Variants in MIB1 observed in about 807,000 individuals in gnomAD.
MIB1 encodes E3 ubiquitin-protein ligase MIB1.
MIB1 carries 278 observed loss-of-function variants against 124.5 expected under a neutral mutation model. That is an observed-to-expected ratio of 2.23 (90% CI 2.02 to 2.47). The LOEUF (loss-of-function observed/expected upper bound fraction) is 2.47. Ranked by LOEUF, MIB1 falls within the 30% of genes most tolerant of loss-of-function variation. MIB1 has a pLI of 0.00. For missense variants in MIB1, 957 were observed against 1,254.4 expected (o/e 0.76, Z 3.58); for synonymous variants, 446 against 429.4 (o/e 1.04, Z -0.48).
Position 21,710,753 on chromosome 18 carries a change from T to C in MIB1, n.167+5630T>C, listed in dbSNP as rs141254440. Among the ~76,000 whole-genome samples, 996 of 151,634 alleles carry C rather than the reference T, an allele frequency of 6.6e-3. 8 individuals are homozygous for C. The highest frequency in any genetic ancestry group is 0.021 in the African/African-American group (863 of 41,346). ...TGACAGAGTGAGACCTTGTCTCAAA[T>C]ATATAAGGCCTTTCTATTCAGGCCA... On this transcript the variant is annotated intron_variant and non_coding_transcript_variant, in intron 1 of 20. Transcript: ENST00000578646.
At chr18:21,813,427 T>G (rs1440766614) in intron 10 of MIB1, among the ~76,000 whole-genome samples, 1 of 152,076 alleles carries the variant, frequency 6.6e-6, no homozygotes, top group East Asian at 1.9e-4. Context: ...TTGAGAGAGG[T>G]GCCAAATCCT....
At chr18:21,714,031 A>G (rs1328374365) in intron 1 of MIB1, among the ~76,000 whole-genome samples, 4 of 152,220 alleles carry the variant, frequency 2.6e-5, no homozygotes, top group African/African-American at 4.8e-5. Context: ...GGCCTTGCCC[A>G]GTGTAACAAG....
chr18:21,741,815 A>C lies in MIB1; in HGVS notation c.229+3A>C, dbSNP rs368228524. On this transcript the variant is annotated splice_donor_region_variant and intron_variant, in intron 1 of 20. Coordinates refer to ENST00000261537, the MANE Select transcript of MIB1 (RefSeq NM_020774.4). The surrounding 1 kb of genome is among the most constrained non-coding windows in gnomAD (Gnocchi z 5.4). ...CATCCTGGACAGCGCGCCCACCGGTAAGCCGCGGCCACCTGGCCAGGGCTT... is the reference window on the plus strand; with the variant it reads ...CATCCTGGACAGCGCGCCCACCGGTCAGCCGCGGCCACCTGGCCAGGGCTT... The C allele has an allele frequency of 3.8e-6, 6 of 1,591,848 alleles. No homozygotes were observed. The highest frequency in any genetic ancestry group is 1.3e-5 in the African/African-American group (1 of 74,354).
intron 12 of MIB1, among the ~76,000 whole-genome samples, chr18:21,822,863 G>T (rs2041891273): frequency 6.6e-6 from 1 of 152,240 alleles, no homozygotes. Context: ...GACTTAGGAG[G>T]CTGAGGCAGG....
In MIB1 at chr18:21,838,384, T is replaced by G; in HGVS notation, c.1849T>G (p.Ser617Ala). 5 of 1,600,120 alleles carry G rather than the reference T, an allele frequency of 3.1e-6. No homozygotes were observed. Among genetic ancestry groups the G allele is most frequent in the Non-Finnish European group, 3.4e-6 (4 of 1,172,440 alleles). ...GNPSAMRVLL[S>A]KLPRPWIVDE... Reference sequence around the variant, plus strand: ...TTTCAGTGCAATGCGTGTTTTACTATCTAAATTACCAAGACCATGGATTGT... The same window carrying G: ...TTTCAGTGCAATGCGTGTTTTACTAGCTAAATTACCAAGACCATGGATTGT... The change falls in exon 13 of 21, where the codon TCT becomes GCT. Residue 617 changes from serine (S) to alanine (A), a missense_variant. By Grantham distance (99) the Ser-to-Ala change is moderately conservative. Coordinates refer to ENST00000261537, the MANE Select transcript of MIB1 (RefSeq NM_020774.4).
In MIB1 at chr18:21,869,801, A is replaced by G. The variant is rs980889422; in HGVS notation, c.*5135A>G. On this transcript the variant is annotated 3_prime_UTR_variant, in exon 21 of 21. Transcript: ENST00000261537. Reference sequence around the variant, plus strand: ...TCTTCCCCTCAAATGAGGGGAAAAAAAAAAGACCCTTTGTTCAAATGGATT... The same window carrying G: ...TCTTCCCCTCAAATGAGGGGAAAAAGAAAAGACCCTTTGTTCAAATGGATT... 1 of 152,298 alleles carries G rather than the reference A, an allele frequency of 6.6e-6. No homozygotes were observed. Among genetic ancestry groups the G allele is most frequent in the Non-Finnish European group, 1.5e-5 (1 of 67,916 alleles). 9.4% of individuals were successfully genotyped at this position (152,298 alleles called of 1,614,324 possible).
intron 1 of MIB1, among the ~76,000 whole-genome samples, chr18:21,748,841 G>C (rs183648922): frequency 6.7e-6 from 1 of 148,360 alleles, no homozygotes; most frequent in Non-Finnish European, 1.5e-5. Context: ...CAGGTGATCC[G>C]CCTACCTCAG....
intron 10 of MIB1, among the ~76,000 whole-genome samples, chr18:21,805,420 A>G (rs113653921): frequency 1.3e-5 from 2 of 152,318 alleles, no homozygotes; most frequent in African/African-American, 4.8e-5. Flanking sequence ...CTTTTGCACT[A>G]GTAATTTTTA....
chr18:21,864,644 A>T lies in MIB1; in HGVS notation c.2999A>T (p.Glu1000Val). 1 of 1,613,626 alleles carries T rather than the reference A, an allele frequency of 6.2e-7. No homozygotes were observed. Among genetic ancestry groups the T allele is most frequent in the Non-Finnish European group, 8.5e-7 (1 of 1,179,688 alleles). Residue 1000 changes from glutamate (E) to valine (V), a missense_variant, in exon 21 of 21, where the codon GAA becomes GTA. Coordinates refer to ENST00000261537, the MANE Select transcript of MIB1 (RefSeq NM_020774.4). ...TGTCCTATCTGTCGCAAGGCTATTG[A>T]ACGAAGGATTCTTTTGTATTAACTA... Reference protein sequence around the residue: ...SECPICRKAIERRILLY With the variant: ...SECPICRKAIVRRILLY
At chr18:21,829,243 A>T (rs1331880058) in intron 12 of MIB1, 10 of 335,032 alleles carry the variant, frequency 3.0e-5, no homozygotes, top group South Asian at 2.2e-4. Context: ...GAAGCATGGC[A>T]TTAATGGTTC....
intron 1 of MIB1, among the ~76,000 whole-genome samples, chr18:21,763,340 G>A (rs1279114364): frequency 2.0e-5 from 3 of 152,034 alleles, no homozygotes; most frequent in African/African-American, 2.4e-5. Context: ...TTAATTTCTA[G>A]CGTAACTCTA....
intron 20 of MIB1, among the ~76,000 whole-genome samples, chr18:21,861,602 C>G (rs1210653697): frequency 6.7e-6 from 1 of 149,050 alleles, no homozygotes; most frequent in African/African-American, 2.5e-5. Context: ...CAAAACTCAT[C>G]TTATGAGGAA....
intron 13 of MIB1, 127 bp from the exon 14 acceptor site, chr18:21,843,004 T>G: frequency 1.7e-6 from 1 of 604,340 alleles, no homozygotes; most frequent in Non-Finnish European, 2.8e-6. Context: ...AGAATAACAT[T>G]GCAGCAGCTG....
At chr18:21,787,009 G>A (rs2041443031) in intron 6 of MIB1, among the ~76,000 whole-genome samples, 1 of 150,874 alleles carries the variant, frequency 6.6e-6, no homozygotes, top group African/African-American at 2.5e-5. Flanking sequence ...GCTTCGTATT[G>A]AAAGATCATT....
chr18:21,822,330 C>T lies in MIB1; in HGVS notation c.1829+2684C>T, dbSNP rs559497426. Among the ~76,000 whole-genome samples the T allele has an allele frequency of 9.2e-5, 14 of 152,206 alleles. No individual in the cohort carries two copies. The East Asian group carries it at 2.3e-3, about 25-fold the overall frequency. ...TTATTGAGAGTAGGCATAGTATATTCAATAATGCTAAGCCTATACAAGGAA... is the reference window on the plus strand; with the variant it reads ...TTATTGAGAGTAGGCATAGTATATTTAATAATGCTAAGCCTATACAAGGAA... On this transcript the variant is annotated intron_variant, in intron 12 of 20. Coordinates refer to ENST00000261537, the MANE Select transcript of MIB1 (RefSeq NM_020774.4).
intron 6 of MIB1, among the ~76,000 whole-genome samples, chr18:21,788,017 CCTCT>C (rs2041457100): frequency 6.6e-6 from 1 of 152,092 alleles, no homozygotes; most frequent in Non-Finnish European, 1.5e-5. Context: ...TTGCGAACCT[CCTCT>C]CTCCTTTTAC....
At chr18:21,764,761 A>C (rs1327571816) in intron 1 of MIB1, among the ~76,000 whole-genome samples, 1 of 152,168 alleles carries the variant, frequency 6.6e-6, no homozygotes, top group Non-Finnish European at 1.5e-5. Context: ...AAACAAAAAA[A>C]CCCCACATTA....
chr18:21,716,579 C>T (rs556911221), intron 1 of MIB1, among the ~76,000 whole-genome samples: 7 of 152,324 alleles, frequency 4.6e-5, no homozygotes, highest in South Asian at 4.1e-4. Context: ...AGGCTGGGCA[C>T]GGTGGCTCAC....
intron 12 of MIB1, chr18:21,825,354 G>A (rs1241215183): frequency 3.6e-6 from 1 of 280,592 alleles, no homozygotes; most frequent in Non-Finnish European, 6.9e-6. Context: ...TGGGTTTTAG[G>A]TGACCTTTCC....
Sources: gnomAD v4.1 joint callset for allele counts (sites outside exome capture counted in the v4.1 genomes callset) on GRCh38, gnomAD v4.1.1 for gene constraint, Gnocchi (gnomAD v3.1) non-coding constraint, MANE v1.5 for transcripts, NCBI Gene and HGNC (gene_info 2026-07-23, HGNC 2026-07-21) for gene names.